Variants in PLCL1 observed in about 807,000 individuals in gnomAD.
The protein encoded by PLCL1 is inactive phospholipase C-like protein 1.
Under a neutral mutation model 84.4 loss-of-function variants are expected in PLCL1, and 41 were observed. That is an observed-to-expected ratio of 0.49 (90% confidence interval 0.38 to 0.63). The LOEUF (loss-of-function observed/expected upper bound fraction) is 0.63. Ranked by LOEUF, PLCL1 falls within the 30% of genes least tolerant of loss-of-function variation. The pLI is 0.00. For missense variants in PLCL1, 1,206 were observed against 1,367.8 expected (o/e 0.88, Z 1.87); for synonymous variants, 490 against 488.3 (o/e 1.00, Z -0.05).
intron 5 of PLCL1, among the ~76,000 whole-genome samples, chr2:198,125,043 TGTTTCTGCACTGCTGAAA>T (rs1693954285): frequency 6.6e-6 from 1 of 152,154 alleles, no homozygotes; most frequent in South Asian, 2.1e-4. Context: ...AGATACAGAA[TGTTTCTGCACTGCTGAAA>T]GTTTCACCAG....
At chr2:198,100,885 T>TA (rs949426843) in intron 3 of PLCL1, among the ~76,000 whole-genome samples, 6 of 152,028 alleles carry the variant, frequency 3.9e-5, no homozygotes, top group Non-Finnish European at 8.8e-5. Context: ...TCTGGAAGGA[T>TA]AAAAAACCCT....
Position 198,092,816 on chromosome 2 carries a change from C to T in PLCL1, c.2919+3755C>T, listed in dbSNP as rs183277025. Among the ~76,000 whole-genome samples the T allele has an allele frequency of 1.1e-3, 169 of 152,254 alleles. 1 individual carries two copies. Among genetic ancestry groups the T allele is most frequent in the African/African-American group, 3.8e-3 (157 of 41,544 alleles). The stretch of plus-strand genomic sequence containing the variant: ...TTACTCCTCAATTTGAATGTAAACT[C>T]CGTGAGGTTAGATCCTATCTGTATA... On this transcript the variant is annotated intron_variant, in intron 3 of 5. Transcript: ENST00000428675.
At chr2:197,895,260 A>C (rs1688112721) in intron 1 of PLCL1, among the ~76,000 whole-genome samples, 1 of 152,112 alleles carries the variant, frequency 6.6e-6, no homozygotes. Flanking sequence ...TCTCCATTTC[A>C]CTTCAGTAAA....
intron 1 of PLCL1, among the ~76,000 whole-genome samples, chr2:197,958,780 T>C (rs1355668062): frequency 6.6e-6 from 1 of 152,018 alleles, no homozygotes; most frequent in African/African-American, 2.4e-5. Context: ...TAATGTGAGC[T>C]GTGAAATGTA....
Position 198,083,785 on chromosome 2 carries a change from A to C in PLCL1, c.268A>C (p.Arg90=). The C allele has an allele frequency of 6.3e-7, 1 of 1,585,252 alleles. No individual in the cohort carries two copies. Among genetic ancestry groups the C allele is most frequent in the Non-Finnish European group, 8.6e-7 (1 of 1,167,390 alleles). The change falls in exon 2 of 6, where the codon AGA becomes CGA. Residue 90 remains arginine, a synonymous_variant. Transcript: ENST00000428675. ...KDPSNQKCGG[R]KKTVSFSSMP... ...TCCTTCAAACCAAAAATGTGGTGGA[A>C]GAAAGAAAACCGTGTCTTTCAGCAG...
chr2:198,102,540 T>C (rs1052685793), intron 4 of PLCL1, among the ~76,000 whole-genome samples: 5 of 152,080 alleles, frequency 3.3e-5, no homozygotes, highest in Non-Finnish European at 5.9e-5. Context: ...TCATGTAGGC[T>C]TCTCCAAGCC....
chr2:198,068,329 T>G (rs1483504463), intron 1 of PLCL1, among the ~76,000 whole-genome samples: 1 of 152,224 alleles, frequency 6.6e-6, no homozygotes, highest in African/African-American at 2.4e-5. Flanking sequence ...AGATGAAACA[T>G]TATTTTGAAA....
At chr2:197,887,773 C>G (rs969633108) in intron 1 of PLCL1, among the ~76,000 whole-genome samples, 1 of 152,076 alleles carries the variant, frequency 6.6e-6, no homozygotes, top group Non-Finnish European at 1.5e-5. Context: ...TTATTTCATA[C>G]TCTATGTACA....
At chr2:197,923,199 G>T (rs1574950595) in intron 1 of PLCL1, among the ~76,000 whole-genome samples, 1 of 144,836 alleles carries the variant, frequency 6.9e-6, no homozygotes, top group Non-Finnish European at 1.5e-5. Flanking sequence ...GGCTGGCCGG[G>T]CGGGGGGCTG....
chr2:198,029,442 T>A (rs889577764), intron 1 of PLCL1, among the ~76,000 whole-genome samples: 1 of 152,198 alleles, frequency 6.6e-6, no homozygotes, highest in Non-Finnish European at 1.5e-5. Context: ...GAGATGGCAT[T>A]CTCTTTGGGA....
At chr2:198,074,693 A>C (rs1692538900) in intron 1 of PLCL1, among the ~76,000 whole-genome samples, 1 of 152,166 alleles carries the variant, frequency 6.6e-6, no homozygotes, top group African/African-American at 2.4e-5. Flanking sequence ...AGGAAGGAAA[A>C]ACGATTCTGT....
chr2:197,879,316 G>A (rs1419459366), intron 1 of PLCL1, among the ~76,000 whole-genome samples: 1 of 152,146 alleles, frequency 6.6e-6, no homozygotes, highest in Non-Finnish European at 1.5e-5. Context: ...TTTCTAATTT[G>A]GGCTTGAAGT....
intron 5 of PLCL1, among the ~76,000 whole-genome samples, chr2:198,115,835 G>A (rs999111767): frequency 3.3e-5 from 5 of 151,324 alleles, no homozygotes; most frequent in Non-Finnish European, 5.9e-5. Flanking sequence ...GTTTGGCCCC[G>A]CCCTTGACAC....
At chr2:198,036,912 C>T (rs78328285) in intron 1 of PLCL1, among the ~76,000 whole-genome samples, 1,537 of 152,324 alleles carry the variant, frequency 0.01, 27 homozygotes, top group African/African-American at 0.035. Flanking sequence ...GACAGGGCAA[C>T]ATCCCAGAGG....
intron 1 of PLCL1, among the ~76,000 whole-genome samples, chr2:197,873,062 A>C (rs143898447): frequency 1.3e-5 from 2 of 152,140 alleles, no homozygotes; most frequent in Non-Finnish European, 2.9e-5. Context: ...TTTACCACAC[A>C]CTATGTTATA....
intron 1 of PLCL1, among the ~76,000 whole-genome samples, chr2:198,031,497 G>T (rs1691422150): frequency 6.6e-6 from 1 of 151,676 alleles, no homozygotes; most frequent in Non-Finnish European, 1.5e-5. Context: ...GTTCAGTATT[G>T]GTTGATTGAT....
At chr2:197,962,462 T>TTG (rs1396536895) in intron 1 of PLCL1, among the ~76,000 whole-genome samples, 1 of 152,118 alleles carries the variant, frequency 6.6e-6, no homozygotes, top group Non-Finnish European at 1.5e-5. Flanking sequence ...TTTTTAATTT[T>TTG]TGTGGGTACA....
Position 198,087,453 on chromosome 2 carries a change from T to C in PLCL1, c.2715+1221T>C, listed in dbSNP as rs185666782. ...GTACCTGCAATGTGCAAAGTGGATATTATTCAATTCACTTTATTTCTTTAG... is the reference window on the plus strand; with the variant it reads ...GTACCTGCAATGTGCAAAGTGGATACTATTCAATTCACTTTATTTCTTTAG... On this transcript the variant is annotated intron_variant, in intron 2 of 5. Coordinates refer to ENST00000428675, the MANE Select transcript of PLCL1 (RefSeq NM_006226.4). Among the ~76,000 whole-genome samples, 24 of 152,318 alleles carry C rather than the reference T, an allele frequency of 1.6e-4. No individual in the cohort carries two copies. The East Asian group carries it at 4.6e-3, about 29-fold the overall frequency.
At chr2:197,943,873 T>C (rs1689217040) in intron 1 of PLCL1, among the ~76,000 whole-genome samples, 1 of 152,200 alleles carries the variant, frequency 6.6e-6, no homozygotes, top group South Asian at 2.1e-4. Flanking sequence ...AACAGTCAGA[T>C]AATTTACCAG....
Sources: gnomAD v4.1 joint callset for allele counts (sites outside exome capture counted in the v4.1 genomes callset) on GRCh38, gnomAD v4.1.1 for gene constraint, MANE v1.5 for transcripts, NCBI Gene and HGNC (gene_info 2026-07-23, HGNC 2026-07-21) for gene names.